The following NDST3 variants were observed in gnomAD, a reference collection of about 807,000 sequenced individuals.
NDST3 encodes N-deacetylase and N-sulfotransferase 3, also known as bifunctional heparan sulfate N-deacetylase/N-sulfotransferase 3.
In NDST3, 58 loss-of-function variants were observed where a neutral mutation model predicts 96.1. That is an observed-to-expected ratio of 0.60 (90% confidence interval 0.49 to 0.75). The LOEUF (loss-of-function observed/expected upper bound fraction) is 0.75, where lower values mean the gene tolerates loss of function less well. Among genes scored for constraint, NDST3 ranks in the 30% least tolerant of loss-of-function variants. The pLI is 0.00. For missense variants in NDST3, 788 were observed against 1,034.2 expected (o/e 0.76, Z 3.27); for synonymous variants, 333 against 359.7 (o/e 0.93, Z 0.84).
At position 118,111,583 on chromosome 4, in the gene NDST3, C is replaced by G. The variant is rs186256981; in HGVS notation, c.1070-3223C>G. 3.7e-3 allele frequency among the ~76,000 whole-genome samples: 554 copies of G among 148,260 alleles called. 3 individuals carry two copies. Among genetic ancestry groups the G allele is most frequent in the African/African-American group, 0.013 (524 of 39,672 alleles). The stretch of plus-strand genomic sequence containing the variant: ...ATGGAGTCTCGCTCTGTCACCCAGG[C>G]TGGAGTGTAGCGACGCCATCTTAGC... On this transcript the variant is annotated intron_variant, in intron 3 of 13. Transcript: ENST00000296499.
At chr4:118,047,850 G>C (rs1438715539) in intron 1 of NDST3, among the ~76,000 whole-genome samples, 1 of 152,128 alleles carries the variant, frequency 6.6e-6, no homozygotes, top group Non-Finnish European at 1.5e-5. Context: ...TAGAGAGGTT[G>C]AGTTGCAAAT....
chr4:118,210,297 T>C (rs1041335905), intron 6 of NDST3, among the ~76,000 whole-genome samples: 7 of 152,124 alleles, frequency 4.6e-5, no homozygotes, highest in African/African-American at 7.2e-5. Context: ...CAGTAGGTTG[T>C]TGTCTGCCTT....
intron 5 of NDST3, among the ~76,000 whole-genome samples, chr4:118,139,265 G>A (rs1418808331): frequency 6.6e-6 from 1 of 152,134 alleles, no homozygotes; most frequent in East Asian, 1.9e-4. Context: ...CTGACCAGAG[G>A]GAGTTTAGAA....
At chr4:118,070,960 C>T (rs1016994459) in intron 2 of NDST3, among the ~76,000 whole-genome samples, 1 of 151,954 alleles carries the variant, frequency 6.6e-6, no homozygotes, top group East Asian at 1.9e-4. Flanking sequence ...ATCCATGTCC[C>T]TACAAAGGAC....
intron 2 of NDST3, among the ~76,000 whole-genome samples, chr4:118,075,488 G>A (rs1727449060): frequency 1.3e-5 from 2 of 152,178 alleles, no homozygotes; most frequent in South Asian, 4.1e-4. Flanking sequence ...CTTCCACAAT[G>A]GTTGAACTAG....
chr4:118,230,222 G>A (rs540178556), intron 8 of NDST3, among the ~76,000 whole-genome samples: 1 of 152,250 alleles, frequency 6.6e-6, no homozygotes, highest in African/African-American at 2.4e-5. Context: ...GTTATTCTAA[G>A]TCAGTGATTC....
At chr4:118,069,543 G>A (rs963377120) in intron 2 of NDST3, among the ~76,000 whole-genome samples, 7 of 151,756 alleles carry the variant, frequency 4.6e-5, no homozygotes, top group Non-Finnish European at 7.4e-5. Flanking sequence ...AACAATCCAC[G>A]CACTTTGTAA....
At chr4:118,240,879 A>G (rs1740964821) in intron 11 of NDST3, among the ~76,000 whole-genome samples, 185 bp downstream of exon 11, 1 of 152,260 alleles carries the variant, frequency 6.6e-6, no homozygotes, top group Non-Finnish European at 1.5e-5. Flanking sequence ...AGAGTATTTC[A>G]GAATAATTCT....
At chr4:118,139,422 G>A (rs1733387119) in intron 5 of NDST3, among the ~76,000 whole-genome samples, 1 of 152,180 alleles carries the variant, frequency 6.6e-6, no homozygotes, top group Non-Finnish European at 1.5e-5. Context: ...GCAATCTGTG[G>A]AAACCTATAT....
intron 6 of NDST3, among the ~76,000 whole-genome samples, chr4:118,168,407 T>C (rs79542729): frequency 0.018 from 2,689 of 152,074 alleles, 117 homozygotes; most frequent in Admixed American, 0.096. Context: ...TAAATATAAG[T>C]AAGTGCTAGT....
chr4:118,160,317 C>A (rs1430407568), intron 6 of NDST3, among the ~76,000 whole-genome samples: 1 of 152,006 alleles, frequency 6.6e-6, no homozygotes, highest in Non-Finnish European at 1.5e-5. Flanking sequence ...GCAAAATTGT[C>A]CTTCAATAAT....
At chr4:118,195,330 T>C (rs568460266) in intron 6 of NDST3, among the ~76,000 whole-genome samples, 2 of 152,288 alleles carry the variant, frequency 1.3e-5, no homozygotes, top group Admixed American at 6.5e-5. Context: ...AATTGTATAA[T>C]GGGGGCAGTT....
At chr4:118,235,734 G>A (rs746472373) in intron 9 of NDST3, among the ~76,000 whole-genome samples, 8 of 152,146 alleles carry the variant, frequency 5.3e-5, no homozygotes, top group African/African-American at 9.7e-5. Context: ...GGCACTCTCC[G>A]TAAATAGAAT....
At chr4:118,161,844 C>A (rs969558747) in intron 6 of NDST3, among the ~76,000 whole-genome samples, 1 of 152,188 alleles carries the variant, frequency 6.6e-6, no homozygotes, top group Non-Finnish European at 1.5e-5. Context: ...CAATGCTTCA[C>A]CCTGCTTCTG....
chr4:118,091,549 C>G (rs1332262555), intron 2 of NDST3, among the ~76,000 whole-genome samples: 1 of 151,690 alleles, frequency 6.6e-6, no homozygotes, highest in Non-Finnish European at 1.5e-5. Context: ...CTAAATCCTT[C>G]TTTGTGATAA....
chr4:118,180,219 G>C (rs772245493), intron 6 of NDST3, among the ~76,000 whole-genome samples: 1 of 152,018 alleles, frequency 6.6e-6, no homozygotes, highest in Non-Finnish European at 1.5e-5. Context: ...CTGAGAATAG[G>C]ACCCAACAGC....
At chr4:118,184,732 A>G (rs1736831903) in intron 6 of NDST3, among the ~76,000 whole-genome samples, 1 of 152,026 alleles carries the variant, frequency 6.6e-6, no homozygotes, top group South Asian at 2.1e-4. Context: ...AAGTATACAT[A>G]ATTTATTAGT....
intron 6 of NDST3, 22 bp from the exon 7 acceptor site, chr4:118,224,469 G>A: frequency 6.3e-7 from 1 of 1,585,532 alleles, no homozygotes; most frequent in South Asian, 1.2e-5. Flanking sequence ...TATTTACACT[G>A]AAGTTCATTT....
intron 6 of NDST3, among the ~76,000 whole-genome samples, chr4:118,182,399 C>T (rs1479851413): frequency 1.3e-5 from 2 of 152,154 alleles, no homozygotes; most frequent in Admixed American, 6.6e-5. Context: ...ACTAAGACAG[C>T]AAAGACTTCC....
Sources: gnomAD v4.1 joint callset for allele counts (sites outside exome capture counted in the v4.1 genomes callset) on GRCh38, gnomAD v4.1.1 for gene constraint, MANE v1.5 for transcripts, NCBI Gene and HGNC (gene_info 2026-07-23, HGNC 2026-07-21) for gene names.